The following PTPRK variants were observed in gnomAD, a reference collection of about 807,000 sequenced individuals.
PTPRK encodes the protein protein tyrosine phosphatase receptor type K, also known as receptor-type tyrosine-protein phosphatase kappa.
A neutral mutation model predicts 178.0 loss-of-function variants in PTPRK; 75 were observed. That is an observed-to-expected ratio of 0.42 (90% CI 0.35 to 0.51). The LOEUF is 0.51. Ranked by LOEUF, PTPRK falls within the 20% of genes least tolerant of loss-of-function variation. PTPRK has a pLI of 0.02. For synonymous variants in PTPRK, 637 were observed against 620.6 expected (o/e 1.03, Z -0.39); for missense variants, 1,441 against 1,797.8 (o/e 0.80, Z 3.59).
chr6:128,339,725 T>A (rs1831417174), intron 2 of PTPRK, among the ~76,000 whole-genome samples: 1 of 151,810 alleles, frequency 6.6e-6, no homozygotes, highest in Non-Finnish European at 1.5e-5. Context: ...TAAATGAGAG[T>A]CTAACAAGTA....
intron 1 of PTPRK, among the ~76,000 whole-genome samples, chr6:128,464,658 T>TACATATATATATATATACAC (rs536080208): frequency 1.7e-5 from 2 of 116,652 alleles, no homozygotes; most frequent in Non-Finnish European, 3.6e-5. Context: ...TATATATATA[T>TACATATATATATATATACAC]ATATATATAT....
intron 15 of PTPRK, among the ~76,000 whole-genome samples, chr6:128,001,386 AATG>A (rs756406499): frequency 5.3e-5 from 8 of 152,078 alleles, no homozygotes; most frequent in Non-Finnish European, 1.2e-4. Flanking sequence ...CAATCCTAAG[AATG>A]ATGAAAAATA....
intron 3 of PTPRK, among the ~76,000 whole-genome samples, chr6:128,253,655 T>G (rs1038673016): frequency 6.6e-6 from 1 of 152,220 alleles, no homozygotes; most frequent in Non-Finnish European, 1.5e-5. Context: ...ATAGCAGAAG[T>G]AGATCACTTC....
At chr6:128,001,381 C>A (rs1026255554) in intron 15 of PTPRK, among the ~76,000 whole-genome samples, 1 of 151,758 alleles carries the variant, frequency 6.6e-6, no homozygotes, top group Admixed American at 6.6e-5. Flanking sequence ...GACCACAATC[C>A]TAAGAATGAT....
chr6:128,433,822 C>A (rs1280071595), intron 1 of PTPRK, among the ~76,000 whole-genome samples: 1 of 136,768 alleles, frequency 7.3e-6, no homozygotes, highest in Admixed American at 6.9e-5. Flanking sequence ...CAGCCTCTAA[C>A]ACTGTTTTTT....
At chr6:128,210,579 T>G (rs1409825604) in intron 6 of PTPRK, among the ~76,000 whole-genome samples, 1 of 152,044 alleles carries the variant, frequency 6.6e-6, no homozygotes, top group Non-Finnish European at 1.5e-5. Flanking sequence ...AGAAGTATAC[T>G]CGGAAGAGCT....
chr6:128,172,987 C>G (rs965020840), intron 7 of PTPRK, among the ~76,000 whole-genome samples: 4 of 151,874 alleles, frequency 2.6e-5, no homozygotes, highest in African/African-American at 9.7e-5. Context: ...CCAGGAACCA[C>G]TAGGGTGAGG....
intron 2 of PTPRK, among the ~76,000 whole-genome samples, chr6:128,339,163 A>G (rs962581073): frequency 1.3e-5 from 2 of 152,188 alleles, no homozygotes; most frequent in Non-Finnish European, 2.9e-5. Context: ...GTAAAATACT[A>G]CAGAGGACAA....
intron 1 of PTPRK, among the ~76,000 whole-genome samples, chr6:128,422,676 CAAAAAAAAAAA>C (rs750423577): frequency 6.8e-5 from 1 of 14,702 alleles, no homozygotes; most frequent in Non-Finnish European, 1.5e-4. Flanking sequence ...TTCACGGACG[CAAAAAAAAAAA>C]AAAAAAAAAA....
chr6:128,023,169 G>T (rs762892684), intron 13 of PTPRK, among the ~76,000 whole-genome samples: 4 of 152,136 alleles, frequency 2.6e-5, no homozygotes, highest in Non-Finnish European at 5.9e-5. Flanking sequence ...AAACAGGATC[G>T]ATAAAGCTAT....
chr6:128,451,485 G>A (rs1450228812), intron 1 of PTPRK, among the ~76,000 whole-genome samples: 1 of 152,020 alleles, frequency 6.6e-6, no homozygotes, highest in Non-Finnish European at 1.5e-5. Flanking sequence ...CCACATATTT[G>A]TGTGGGGTGA....
chr6:128,398,868 G>A (rs569767120), intron 1 of PTPRK, among the ~76,000 whole-genome samples: 26 of 152,202 alleles, frequency 1.7e-4, no homozygotes, highest in South Asian at 8.3e-4. Context: ...TTTTTCTGGC[G>A]TAATTTTCAG....
chr6:128,240,956 C>T (rs748617050), intron 4 of PTPRK, among the ~76,000 whole-genome samples: 75 of 152,138 alleles, frequency 4.9e-4, no homozygotes, highest in Non-Finnish European at 7.9e-4. Flanking sequence ...CATGGAGGGC[C>T]GTATCACCCT....
intron 1 of PTPRK, among the ~76,000 whole-genome samples, chr6:128,464,624 TATATATATATAC>T (rs1562575989): frequency 9.4e-5 from 7 of 74,242 alleles, no homozygotes; most frequent in African/African-American, 4.7e-4. Flanking sequence ...CATATACATA[TATATATATATAC>T]ACATATATAT....
chr6:128,175,480 C>G (rs1360252021), intron 7 of PTPRK, among the ~76,000 whole-genome samples: 2 of 151,662 alleles, frequency 1.3e-5, no homozygotes, highest in East Asian at 3.9e-4. Flanking sequence ...TGGTTACATA[C>G]ATTCAGATAT....
At chr6:128,077,942 C>G (rs906691862) in intron 11 of PTPRK, among the ~76,000 whole-genome samples, 1 of 151,898 alleles carries the variant, frequency 6.6e-6, no homozygotes, top group African/African-American at 2.4e-5. Context: ...AGGAACAATT[C>G]GGGAATTAAA....
chr6:128,219,135 T>G (rs772948914), intron 5 of PTPRK, 39 bp from the exon 6 acceptor site: 2 of 1,533,378 alleles, frequency 1.3e-6, no homozygotes, highest in South Asian at 2.3e-5. Context: ...AGGTTCTTAC[T>G]ATTTTCATAA....
At chr6:128,233,486 G>A (rs1001719865) in intron 5 of PTPRK, among the ~76,000 whole-genome samples, 3 of 152,126 alleles carry the variant, frequency 2.0e-5, no homozygotes, top group South Asian at 2.1e-4. Flanking sequence ...GGTCAGCCTC[G>A]CTCTGGTTGT....
intron 1 of PTPRK, among the ~76,000 whole-genome samples, chr6:128,433,895 A>C (rs555327727): frequency 2.1e-4 from 31 of 151,170 alleles, no homozygotes; most frequent in African/African-American, 7.1e-4. Flanking sequence ...ATACTTGAGC[A>C]CAGCAGAGAA....
Sources: allele counts gnomAD v4.1 joint callset (sites outside exome capture counted in the v4.1 genomes callset), GRCh38; gene constraint gnomAD v4.1.1; transcripts MANE v1.5; gene names NCBI Gene and HGNC (gene_info 2026-07-23, HGNC 2026-07-21).